The following QTMAN variants were observed in gnomAD, a reference collection of about 807,000 sequenced individuals.
The protein encoded by QTMAN is queuosine-tRNA mannosyltransferase.
the QTMAN span, among the ~76,000 whole-genome samples, chr2:144,225,810 C>T: frequency 6.6e-6 from 1 of 152,206 alleles, no homozygotes; most frequent in Admixed American, 6.5e-5. Flanking sequence ...GCTTTTACCC[C>T]ATTTACAGCA....
the QTMAN span, among the ~76,000 whole-genome samples, chr2:144,175,048 G>C: frequency 6.6e-6 from 1 of 152,102 alleles, no homozygotes; most frequent in Non-Finnish European, 1.5e-5. Flanking sequence ...AGACAGAGTA[G>C]ACTTACCTAT....
chr2:143,985,809 T>C, the QTMAN span, among the ~76,000 whole-genome samples: 4 of 152,212 alleles, frequency 2.6e-5, no homozygotes, highest in African/African-American at 9.6e-5. Flanking sequence ...ATAGAGTTTC[T>C]TCAGTATTTA....
At chr2:144,069,691 G>A in the QTMAN span, among the ~76,000 whole-genome samples, 1 of 151,906 alleles carries the variant, frequency 6.6e-6, no homozygotes, top group East Asian at 1.9e-4. Flanking sequence ...TTTGGGTACA[G>A]TACCTTTATG....
At chr2:144,308,157 T>C in the QTMAN span, among the ~76,000 whole-genome samples, 1 of 148,710 alleles carries the variant, frequency 6.7e-6, no homozygotes, top group African/African-American at 2.5e-5. Context: ...CATATATGAT[T>C]GGTTGTTTTT....
the QTMAN span, among the ~76,000 whole-genome samples, chr2:144,053,078 G>A: frequency 1.3e-5 from 2 of 152,212 alleles, no homozygotes; most frequent in Admixed American, 6.5e-5. Context: ...GCATGTGCTA[G>A]GTCAGTGTTT....
chr2:144,259,711 C>T, the QTMAN span, among the ~76,000 whole-genome samples: 2 of 151,946 alleles, frequency 1.3e-5, no homozygotes, highest in East Asian at 3.8e-4. Flanking sequence ...GCTGCACAGG[C>T]CAATTTGATT....
At chr2:144,250,135 TGTTTG>T in the QTMAN span, among the ~76,000 whole-genome samples, 3 of 144,232 alleles carry the variant, frequency 2.1e-5, no homozygotes, top group Non-Finnish European at 3.0e-5. Flanking sequence ...TTTTTTTTTT[TGTTTG>T]TTTTTGTTTT....
At chr2:144,279,592 G>A in the QTMAN span, among the ~76,000 whole-genome samples, 1 of 152,112 alleles carries the variant, frequency 6.6e-6, no homozygotes, top group Non-Finnish European at 1.5e-5. Flanking sequence ...CAGCAGGTTT[G>A]CGCTGGGGCT....
At chr2:144,020,878 A>C in the QTMAN span, among the ~76,000 whole-genome samples, 96 of 152,124 alleles carry the variant, frequency 6.3e-4, no homozygotes, top group South Asian at 4.6e-3. Flanking sequence ...AGAACAATAA[A>C]GAGTGCTTGC....
At chr2:144,071,859 AC>A in the QTMAN span, among the ~76,000 whole-genome samples, 1 of 152,284 alleles carries the variant, frequency 6.6e-6, no homozygotes, top group South Asian at 2.1e-4. Context: ...CAGACATATC[AC>A]ACTCTTAAAT....
At chr2:143,967,947 C>G in the QTMAN span, among the ~76,000 whole-genome samples, 2 of 152,084 alleles carry the variant, frequency 1.3e-5, no homozygotes, top group African/African-American at 4.8e-5. Context: ...CTTAGAACAC[C>G]TGGAATACAG....
the QTMAN span, among the ~76,000 whole-genome samples, chr2:144,035,623 G>A: frequency 1.3e-5 from 2 of 152,066 alleles, no homozygotes; most frequent in Non-Finnish European, 2.9e-5. Context: ...ATTCACAAGG[G>A]AATTTAACAT....
the QTMAN span, among the ~76,000 whole-genome samples, chr2:144,222,263 G>A: frequency 3.3e-5 from 5 of 151,626 alleles, no homozygotes; most frequent in Non-Finnish European, 7.4e-5. Flanking sequence ...GTTTCACCAC[G>A]TCAGCCAGGA....
At chr2:144,251,302 A>C in the QTMAN span, among the ~76,000 whole-genome samples, 1 of 152,226 alleles carries the variant, frequency 6.6e-6, no homozygotes, top group African/African-American at 2.4e-5. Context: ...CACAGTAATC[A>C]AGACAGTGGG....
the QTMAN span, among the ~76,000 whole-genome samples, chr2:143,995,254 G>A: frequency 1.2e-4 from 19 of 152,120 alleles, no homozygotes; most frequent in Non-Finnish European, 2.6e-4. Context: ...TGTACAGTAT[G>A]TACTTGTTTT....
the QTMAN span, among the ~76,000 whole-genome samples, chr2:144,324,367 G>T: frequency 6.6e-6 from 1 of 152,034 alleles, no homozygotes; most frequent in Admixed American, 6.6e-5. Context: ...GCTCTAGATA[G>T]TTCATTAATT....
At chr2:144,253,338 G>A in the QTMAN span, among the ~76,000 whole-genome samples, 4,199 of 152,250 alleles carry the variant, frequency 0.028, 90 homozygotes, top group Non-Finnish European at 0.041. Context: ...TTAGTACCAG[G>A]ATAGTGGGGT....
At chr2:144,075,260 T>C in the QTMAN span, among the ~76,000 whole-genome samples, 1 of 152,114 alleles carries the variant, frequency 6.6e-6, no homozygotes, top group African/African-American at 2.4e-5. Flanking sequence ...TAAGAAAGGG[T>C]GAATTTTTAA....
the QTMAN span, among the ~76,000 whole-genome samples, chr2:144,105,876 G>A: frequency 6.6e-6 from 1 of 152,200 alleles, no homozygotes; most frequent in African/African-American, 2.4e-5. Context: ...TAACCACAAA[G>A]GGAAGCCCAT....
Sources: gnomAD v4.1 joint callset for allele counts (sites outside exome capture counted in the v4.1 genomes callset) on GRCh38, gnomAD v4.1.1 for gene constraint, MANE v1.5 for transcripts, NCBI Gene and HGNC (gene_info 2026-07-23, HGNC 2026-07-21) for gene names.